FNIP2: variants seen among roughly 807,000 people sequenced by gnomAD.
The protein encoded by FNIP2 is folliculin-interacting protein 2.
FNIP2 carries 32 observed loss-of-function variants against 108.7 expected under a neutral mutation model. The ratio of observed to expected loss-of-function variants is 0.29; its 90% CI spans 0.22 to 0.40. The LOEUF is 0.40. Ranked by LOEUF, FNIP2 falls within the 10% of genes least tolerant of loss-of-function variation. The pLI is 1.00. For synonymous variants in FNIP2, 480 were observed against 496.7 expected (o/e 0.97, Z 0.45); for missense variants, 1,202 against 1,381.6 (o/e 0.87, Z 2.06).
intron 16 of FNIP2, among the ~76,000 whole-genome samples, chr4:158,903,334 G>A (rs771355983): frequency 1.3e-5 from 2 of 152,150 alleles, no homozygotes; most frequent in Non-Finnish European, 2.9e-5. Context: ...CCAATGAGAT[G>A]AGCCGGGTAC....
chr4:158,861,130 G>A (rs527915260), intron 10 of FNIP2, among the ~76,000 whole-genome samples: 2 of 152,330 alleles, frequency 1.3e-5, no homozygotes, highest in South Asian at 2.1e-4. Flanking sequence ...AATGAGCACG[G>A]CTGTGACCCA....
intron 1 of FNIP2, among the ~76,000 whole-genome samples, chr4:158,817,433 C>A (rs1418710810): frequency 2.0e-5 from 3 of 152,208 alleles, no homozygotes; most frequent in Non-Finnish European, 2.9e-5. Flanking sequence ...TGGCTGAGAT[C>A]ATCTATTCTA....
chr4:158,874,137 A>G (rs1374814763), intron 14 of FNIP2, among the ~76,000 whole-genome samples: 1 of 152,212 alleles, frequency 6.6e-6, no homozygotes, highest in East Asian at 1.9e-4. Flanking sequence ...TGGCATTGCT[A>G]AGCCCCAGAA....
At chr4:158,831,987 A>C in intron 4 of FNIP2, 26 bp downstream of exon 4, 1 of 1,599,936 alleles carries the variant, frequency 6.3e-7, no homozygotes, top group Non-Finnish European at 8.6e-7. Context: ...CTTTTCTACT[A>C]GTTTTGAGAA....
intron 12 of FNIP2, among the ~76,000 whole-genome samples, chr4:158,863,813 A>G (rs1426836110): frequency 1.3e-5 from 2 of 151,726 alleles, no homozygotes; most frequent in Admixed American, 6.6e-5. Flanking sequence ...AAGTAGTTCC[A>G]TATAGGTCTC....
At chr4:158,901,767 T>C (rs561628641) in intron 16 of FNIP2, among the ~76,000 whole-genome samples, 2 of 151,982 alleles carry the variant, frequency 1.3e-5, no homozygotes, top group African/African-American at 4.8e-5. Context: ...TTTCTTCTGC[T>C]TGATTGATCC....
At chr4:158,827,064 C>T (rs17285611) in intron 2 of FNIP2, among the ~76,000 whole-genome samples, 7,857 of 152,224 alleles carry the variant, frequency 0.052, 294 homozygotes, top group Middle Eastern at 0.099. Context: ...GTGGATTCCA[C>T]AGTGTTTTAA....
intron 6 of FNIP2, chr4:158,834,324 CT>C (rs1778666778): frequency 6.7e-6 from 1 of 150,332 alleles, no homozygotes; most frequent in African/African-American, 2.5e-5. Flanking sequence ...CTCTCTCTCT[CT>C]CTCTCCCTCT....
At chr4:158,882,040 T>C (rs946415271) in intron 14 of FNIP2, among the ~76,000 whole-genome samples, 3 of 142,866 alleles carry the variant, frequency 2.1e-5, no homozygotes, top group Non-Finnish European at 4.5e-5. Flanking sequence ...CGGCCGCCCA[T>C]TGTCTGAGAT....
intron 7 of FNIP2, among the ~76,000 whole-genome samples, chr4:158,847,961 G>T (rs1309275845): frequency 1.3e-5 from 2 of 152,176 alleles, no homozygotes; most frequent in Non-Finnish European, 2.9e-5. Context: ...TTGTGGCTTG[G>T]GTGCCAGCCC....
At chr4:158,895,298 A>G (rs1296187902) in intron 15 of FNIP2, among the ~76,000 whole-genome samples, 2 of 152,264 alleles carry the variant, frequency 1.3e-5, no homozygotes, top group Non-Finnish European at 2.9e-5. Context: ...CTATTGGGGG[A>G]AAAAAACAAA....
intron 1 of FNIP2, among the ~76,000 whole-genome samples, chr4:158,788,230 C>G (rs949012491): frequency 2.0e-5 from 3 of 152,212 alleles, no homozygotes; most frequent in Non-Finnish European, 4.4e-5. Flanking sequence ...TTCCTGGAAG[C>G]CTTTGCCGAT....
At chr4:158,774,031 A>G (rs1433241143) in intron 1 of FNIP2, among the ~76,000 whole-genome samples, 1 of 152,086 alleles carries the variant, frequency 6.6e-6, no homozygotes, top group African/African-American at 2.4e-5. Context: ...CAAAAGAAAA[A>G]TGTTCTCAAT....
intron 14 of FNIP2, chr4:158,872,841 T>C (rs1406003834): frequency 5.0e-6 from 4 of 798,076 alleles, no homozygotes; most frequent in Non-Finnish European, 6.1e-6. Context: ...CCGAATTTAC[T>C]GCTCCATAAA....
At chr4:158,861,865 C>A in intron 12 of FNIP2, 89 bp downstream of exon 12, 1 of 1,437,374 alleles carries the variant, frequency 7.0e-7, no homozygotes, top group Non-Finnish European at 9.6e-7. Context: ...GCTCTCTCAC[C>A]CAGTAATTCA....
intron 7 of FNIP2, among the ~76,000 whole-genome samples, chr4:158,843,380 G>A (rs1779228664): frequency 6.6e-6 from 1 of 152,194 alleles, no homozygotes; most frequent in Admixed American, 6.5e-5. Flanking sequence ...CTGTCATCCT[G>A]CACATACTGT....
chr4:158,843,028 A>T (rs1779210778), intron 7 of FNIP2, among the ~76,000 whole-genome samples: 1 of 152,210 alleles, frequency 6.6e-6, no homozygotes, highest in Non-Finnish European at 1.5e-5. Flanking sequence ...TGAGAAATAC[A>T]ATTGCTAAAC....
intron 1 of FNIP2, chr4:158,796,006 C>T (rs2126463661): frequency 8.6e-6 from 1 of 116,112 alleles, no homozygotes; most frequent in East Asian, 2.7e-4. Flanking sequence ...TGTGTAGACT[C>T]GGTGACTGTT....
chr4:158,828,212 T>C (rs2126571636), intron 2 of FNIP2, among the ~76,000 whole-genome samples: 1 of 152,332 alleles, frequency 6.6e-6, no homozygotes, highest in African/African-American at 2.4e-5. Flanking sequence ...ACATGCTATG[T>C]AATTCACAGT....
Sources: gnomAD v4.1 joint callset for allele counts (sites outside exome capture counted in the v4.1 genomes callset) on GRCh38, gnomAD v4.1.1 for gene constraint, MANE v1.5 for transcripts, NCBI Gene and HGNC (gene_info 2026-07-23, HGNC 2026-07-21) for gene names.